The following SLC15A4 variants were observed in gnomAD, a reference collection of about 807,000 sequenced individuals.
SLC15A4 encodes the protein hPHT1.
A neutral mutation model predicts 46.1 loss-of-function variants in SLC15A4; 26 were observed. The ratio of observed to expected loss-of-function variants is 0.56; its 90% CI spans 0.41 to 0.78. SLC15A4 has a LOEUF of 0.78. Ranked by LOEUF, SLC15A4 falls within the 30% of genes least tolerant of loss-of-function variation. The pLI is 0.00. For synonymous variants in SLC15A4, 370 were observed against 333.4 expected, an observed-to-expected ratio of 1.11 and a Z score of -1.20; for missense variants, 751 against 755.7, an observed-to-expected ratio of 0.99 and a Z score of 0.07.
intron 6 of SLC15A4, among the ~76,000 whole-genome samples, chr12:128,799,944 C>T (rs369769449): frequency 8.9e-4 from 136 of 152,218 alleles, no homozygotes; most frequent in African/African-American, 3.1e-3. Context: ...CTGGTTCAAG[C>T]GATTCTCCTG....
intron 5 of SLC15A4, among the ~76,000 whole-genome samples, chr12:128,802,909 C>T (rs1955534347): frequency 6.6e-6 from 1 of 152,160 alleles, no homozygotes; most frequent in African/African-American, 2.4e-5. Context: ...ACTGCGGAAA[C>T]CAGGATCGGG....
intron 5 of SLC15A4, among the ~76,000 whole-genome samples, chr12:128,803,745 A>C (rs1413271983): frequency 6.6e-6 from 1 of 152,228 alleles, no homozygotes; most frequent in East Asian, 1.9e-4. Flanking sequence ...TAAAGTTTAC[A>C]AACTACAGAC....
chr12:128,815,424 G>A (rs1015717469), intron 1 of SLC15A4: 14 of 226,636 alleles, frequency 6.2e-5, no homozygotes, highest in African/African-American at 1.7e-4. Context: ...GGTGGCTCAC[G>A]CCTATAATCC....
chr12:128,809,296 G>T, intron 4 of SLC15A4, 100 bp downstream of exon 4: 1 of 752,576 alleles, frequency 1.3e-6, no homozygotes, highest in South Asian at 1.9e-5. Context: ...TTTTGTGTCG[G>T]TGCTGTTAAC....
Position 128,799,287 on chromosome 12 carries a change from G to T in SLC15A4, c.1545C>A (p.Ile515=). The change falls in exon 7 of 8, where the codon ATC becomes ATA. Residue 515 remains isoleucine (I), a synonymous_variant. Coordinates refer to ENST00000266771, the MANE Select transcript of SLC15A4 (RefSeq NM_145648.4). ...GLLALVSIKA[I]GWMSSHTDFG... is the part of the protein sequence containing the mutation. Reference sequence around the variant, plus strand: ...AGTCTGTGTGACTGCTCATCCATCCGATGGCTTTGATAGACACCAGTGCCA... The same window carrying T: ...AGTCTGTGTGACTGCTCATCCATCCTATGGCTTTGATAGACACCAGTGCCA... 6.2e-7 allele frequency: 1 copy of T among 1,614,114 alleles called. No individual in the cohort carries two copies. Among genetic ancestry groups the T allele is most frequent in the East Asian group, 2.2e-5 (1 of 44,890 alleles).
In SLC15A4 at chr12:128,823,643, C is replaced by T. The variant is rs1258661079; in HGVS notation, c.301G>A (p.Gly101Ser). The T allele has an allele frequency of 6.7e-6, 10 of 1,488,100 alleles. No individual in the cohort carries two copies. Among genetic ancestry groups the T allele is most frequent in the Admixed American group, 2.2e-5 (1 of 45,726 alleles). 92.2% of individuals were successfully genotyped at this position (1,488,100 alleles called of 1,614,324 possible). ...FGGWLADARL[G>S]RARAILLSLA... ...CTCAGCAGGATGGCGCGCGCCCGGCCCAGCCGCGCGTCGGCCAGCCAGCCT... is the reference window on the plus strand; with the variant it reads ...CTCAGCAGGATGGCGCGCGCCCGGCTCAGCCGCGCGTCGGCCAGCCAGCCT... Residue 101 changes from glycine to serine, a missense_variant, in exon 1 of 8, where the codon GGC becomes AGC. By Grantham distance (56) the Gly-to-Ser change is moderately conservative. Coordinates refer to ENST00000266771, the MANE Select transcript of SLC15A4 (RefSeq NM_145648.4).
chr12:128,814,237 ATGATGGACCTGACCGCTG>A (rs1955710553), intron 2 of SLC15A4: 4 of 187,360 alleles, frequency 2.1e-5, no homozygotes, highest in Non-Finnish European at 3.3e-5. Context: ...TGACCGCCGT[ATGATGGACCTGACCGCTG>A]TATGATGGAC....
chr12:128,802,800 G>A (rs981228624), intron 5 of SLC15A4, among the ~76,000 whole-genome samples: 15 of 152,188 alleles, frequency 9.9e-5, no homozygotes, highest in African/African-American at 3.4e-4. Context: ...ATGAGATCAA[G>A]AATTAGGAGA....
At chr12:128,795,655 TCCG>T (rs755221761) in intron 7 of SLC15A4, among the ~76,000 whole-genome samples, 22 of 152,230 alleles carry the variant, frequency 1.4e-4, no homozygotes, top group Non-Finnish European at 2.9e-4. Flanking sequence ...TGGCAGTCTC[TCCG>T]CCAGAGAACA....
chr12:128,815,914 T>A (rs932571291), intron 1 of SLC15A4: 2 of 152,238 alleles, frequency 1.3e-5, no homozygotes, highest in African/African-American at 4.8e-5. Context: ...AGAGAGACAT[T>A]TGTTCAGTGA....
chr12:128,800,849 C>T lies in SLC15A4; in HGVS notation c.1414+5G>A, dbSNP rs745761834. Reference sequence around the variant, plus strand: ...TCAGACACCTCCGGCACTAAAGGTCCTCACCTGCGATACTTGCAAAGATCT... The same window carrying T: ...TCAGACACCTCCGGCACTAAAGGTCTTCACCTGCGATACTTGCAAAGATCT... On this transcript the variant is annotated splice_donor_5th_base_variant and intron_variant, in intron 6 of 7. Coordinates refer to ENST00000266771, the MANE Select transcript of SLC15A4 (RefSeq NM_145648.4). The T allele has an allele frequency of 1.2e-6, 2 of 1,608,266 alleles. No homozygotes were observed. The highest frequency in any genetic ancestry group is 2.2e-5 in the South Asian group (2 of 90,170).
rs562361620 is a variant in SLC15A4, at chr12:128,806,069, C to G, written c.1258+2719G>C. ...CTGTAGTCCCAGCTACTCGGAGAGG[C>G]TGAGGCAGGAGAATGGCGTGAACCC... On this transcript the variant is annotated intron_variant, in intron 5 of 7. Transcript: ENST00000266771. Among the ~76,000 whole-genome samples the G allele has an allele frequency of 2.0e-5, 3 of 148,214 alleles. No homozygotes were observed. In the South Asian group the frequency reaches 6.5e-4, roughly 32 times the overall value.
chr12:128,822,572 CAG>C (rs1018932052), intron 1 of SLC15A4, among the ~76,000 whole-genome samples: 19 of 152,128 alleles, frequency 1.2e-4, no homozygotes, highest in African/African-American at 4.3e-4. Flanking sequence ...TATTTGGAGA[CAG>C]AGTCTCGCTC....
rs1164951226 is a variant in SLC15A4 at position 128,823,865 on chromosome 12, C to A, written c.79G>T (p.Ala27Ser). ...ARRAAAAAAA[A>S]GAFAGRRAAC... The stretch of plus-strand genomic sequence containing the variant: ...GCGCGCCGGCCCGCGAACGCCCCAG[C>A]CGCCGCCGCGGCCGCCGCCGCCCGC... The change falls in exon 1 of 8, where the codon GCT becomes TCT. Residue 27 changes from alanine (A) to serine (S), a missense_variant. By Grantham distance (99) the Ala-to-Ser change is moderately conservative. Transcript: ENST00000266771. The A allele has an allele frequency of 8.5e-6, 9 of 1,053,050 alleles. No homozygotes were observed. The East Asian group carries it at 3.1e-4, about 36-fold the overall frequency. The allele number at this position is 1,053,050 out of a possible 1,614,324, so 65.2% of individuals were successfully genotyped here.
At chr12:128,815,158 GTT>G (rs1211232783) in intron 1 of SLC15A4, 88 bp from the exon 2 acceptor site, 27 of 1,263,176 alleles carry the variant, frequency 2.1e-5, no homozygotes, top group Non-Finnish European at 2.8e-5. Flanking sequence ...TAAAATTACC[GTT>G]GTCATCACAA....
Position 128,815,157 on chromosome 12 carries a change from C to T in SLC15A4, c.547-87G>A, listed in dbSNP as rs1018051797. The T allele has an allele frequency of 2.5e-5, 32 of 1,278,748 alleles. 1 individual carries two copies. The highest frequency in any genetic ancestry group is 3.9e-4 in the Middle Eastern group (2 of 5,138). The allele number at this position is 1,278,748 out of a possible 1,614,324, so 79.2% of individuals were successfully genotyped here. ...TATACGGTCAAGTGGTTAAAATTAC[C>T]GTTGTCATCACAACCTTTAAGAAGC... On this transcript the variant is annotated intron_variant, in intron 1 of 7. Coordinates refer to ENST00000266771, the MANE Select transcript of SLC15A4 (RefSeq NM_145648.4).
At chr12:128,800,286 T>A (rs191199597) in intron 6 of SLC15A4, among the ~76,000 whole-genome samples, 194 of 152,346 alleles carry the variant, frequency 1.3e-3, no homozygotes, top group African/African-American at 4.5e-3. Flanking sequence ...CAATTCTGGA[T>A]GAGTTTTCTA....
intron 6 of SLC15A4, 51 bp from the exon 7 acceptor site, chr12:128,799,468 A>T: frequency 6.3e-7 from 1 of 1,599,750 alleles, no homozygotes. Context: ...ACTTTAACAC[A>T]TGGGATCAAA....
chr12:128,808,299 G>A (rs993552304), intron 5 of SLC15A4, among the ~76,000 whole-genome samples: 3 of 152,158 alleles, frequency 2.0e-5, no homozygotes, highest in Non-Finnish European at 4.4e-5. Context: ...TGCTGCCCAG[G>A]AGCCTGTAAC....
Sources: allele counts gnomAD v4.1 joint callset (sites outside exome capture counted in the v4.1 genomes callset), GRCh38; gene constraint gnomAD v4.1.1; transcripts MANE v1.5; gene names NCBI Gene and HGNC (gene_info 2026-07-23, HGNC 2026-07-21).